The following CAMK1D variants were observed in gnomAD, a reference collection of about 807,000 sequenced individuals.
The protein encoded by CAMK1D is calcium/calmodulin-dependent protein kinase type 1D.
Under a neutral mutation model 47.7 loss-of-function variants are expected in CAMK1D, and 9 were observed. The ratio of observed to expected loss-of-function variants is 0.19; its 90% CI spans 0.11 to 0.33. The LOEUF (loss-of-function observed/expected upper bound fraction) is 0.33, where lower values mean the gene tolerates loss of function less well. CAMK1D is among the 10% of genes least tolerant of loss of function. The pLI is 1.00. For missense variants in CAMK1D, 291 were observed against 488.7 expected (o/e 0.60, Z 3.81); for synonymous variants, 184 against 184.9 (o/e 0.99, Z 0.04).
intron 2 of CAMK1D, among the ~76,000 whole-genome samples, chr10:12,588,965 T>A (rs1230248004): frequency 1.3e-5 from 2 of 151,936 alleles, no homozygotes; most frequent in African/African-American, 4.8e-5. Context: ...TACAGGTGCA[T>A]GTTACATACA....
chr10:12,769,892 CAT>C, intron 5 of CAMK1D, 93 bp downstream of exon 5: 1 of 1,425,002 alleles, frequency 7.0e-7, no homozygotes, highest in Non-Finnish European at 9.7e-7. Flanking sequence ...TTGTGTGAAA[CAT>C]ATGAGCTTGG....
In CAMK1D at chr10:12,651,677, C is replaced by T. The variant is rs538907821; in HGVS notation, c.225-15059C>T. ...TTGGCCTCGCAAAGTACTGGGATTA[C>T]AGGCGTGAGCCATACTGCCTGGACA... On this transcript the variant is annotated intron_variant, in intron 2 of 10. Coordinates refer to ENST00000619168, the MANE Select transcript of CAMK1D (RefSeq NM_153498.4). Among the ~76,000 whole-genome samples the T allele has an allele frequency of 6.8e-4, 103 of 152,246 alleles. 1 individual carries two copies. The highest frequency in any genetic ancestry group is 2.5e-3 in the African/African-American group (102 of 41,556).
intron 1 of CAMK1D, among the ~76,000 whole-genome samples, chr10:12,451,201 C>T (rs965537305): frequency 6.6e-6 from 1 of 152,202 alleles, no homozygotes; most frequent in Non-Finnish European, 1.5e-5. Context: ...TCCTCACTCT[C>T]AACCTCAGAA....
intron 1 of CAMK1D, among the ~76,000 whole-genome samples, chr10:12,521,651 G>T (rs1183567738): frequency 6.6e-6 from 1 of 152,064 alleles, no homozygotes. Context: ...CCAATTTTCT[G>T]TCTGCTTGTT....
In CAMK1D at chr10:12,502,063, C is replaced by T. The variant is rs537892669; in HGVS notation, c.93-51162C>T. On this transcript the variant is annotated intron_variant, in intron 1 of 10. Coordinates refer to ENST00000619168, the MANE Select transcript of CAMK1D (RefSeq NM_153498.4). ...GGCAGCCACCAGGGCAGGCAGCCAC[C>T]AGGGCAGGCACAGGCTCAGGGTCAG... Among the ~76,000 whole-genome samples the T allele has an allele frequency of 6.8e-4, 102 of 151,048 alleles. 2 individuals are homozygous for T. The highest frequency in any genetic ancestry group is 8.6e-4 in the Non-Finnish European group (58 of 67,630).
intron 8 of CAMK1D, among the ~76,000 whole-genome samples, chr10:12,823,190 C>G (rs746309631): frequency 6.6e-6 from 1 of 152,180 alleles, no homozygotes; most frequent in Non-Finnish European, 1.5e-5. Context: ...GTTGCCGTGT[C>G]TGGGCTGTTT....
chr10:12,587,408 G>A (rs1252403238), intron 2 of CAMK1D, among the ~76,000 whole-genome samples: 2 of 152,050 alleles, frequency 1.3e-5, no homozygotes, highest in African/African-American at 4.8e-5. Flanking sequence ...ATTTGTTCTG[G>A]GTTAGGTGAT....
At chr10:12,789,412 C>T (rs1298110300) in intron 5 of CAMK1D, among the ~76,000 whole-genome samples, 3 of 152,182 alleles carry the variant, frequency 2.0e-5, no homozygotes, top group Non-Finnish European at 4.4e-5. Context: ...ATCAGATTGA[C>T]CTGGTTTCAA....
chr10:12,535,081 G>T (rs1835926897), intron 1 of CAMK1D, among the ~76,000 whole-genome samples: 1 of 152,212 alleles, frequency 6.6e-6, no homozygotes, highest in Non-Finnish European at 1.5e-5. Context: ...TAGCTGGAAA[G>T]ATGTTAAGAT....
chr10:12,644,842 A>G (rs981141283), intron 2 of CAMK1D, among the ~76,000 whole-genome samples: 3 of 152,208 alleles, frequency 2.0e-5, no homozygotes, highest in Non-Finnish European at 4.4e-5. Flanking sequence ...CTATAAAGCT[A>G]TGTTAAAAGG....
intron 2 of CAMK1D, among the ~76,000 whole-genome samples, chr10:12,624,935 C>T (rs1226086923): frequency 6.6e-6 from 1 of 152,074 alleles, no homozygotes; most frequent in Non-Finnish European, 1.5e-5. Context: ...TCTTCTCATA[C>T]CTATGCCCCA....
chr10:12,809,172 T>A (rs1458862671), intron 6 of CAMK1D, among the ~76,000 whole-genome samples: 3 of 152,142 alleles, frequency 2.0e-5, no homozygotes, highest in Non-Finnish European at 2.9e-5. Context: ...CTGATAATAG[T>A]CATCCTAACG....
Position 12,828,816 on chromosome 10 carries a change from G to T in CAMK1D, c.1087G>T (p.Val363Phe), listed in dbSNP as rs777921875. 6.2e-7 allele frequency: 1 copy of T among 1,613,892 alleles called. No homozygotes were observed. Among genetic ancestry groups the T allele is most frequent in the East Asian group, 2.2e-5 (1 of 44,870 alleles). ...LCSFISSSSGVSGVGAERRPR... is the reference protein window; with the variant it reads ...LCSFISSSSGFSGVGAERRPR... ...TAGTTTCATTTCTTCTTCGTCGGGG[G>T]TCTCAGGAGTTGGAGCCGAGCGGAG... Residue 363 changes from valine to phenylalanine, a missense_variant, in exon 11 of 11, where the codon GTC (valine) becomes TTC (phenylalanine). Around this residue, in one of 2 missense-constraint regions of CAMK1D, gnomAD observed 72 missense variants for 64.4 expected, o/e 1.12. Coordinates refer to ENST00000619168, the MANE Select transcript of CAMK1D (RefSeq NM_153498.4).
intron 2 of CAMK1D, among the ~76,000 whole-genome samples, chr10:12,663,014 T>C (rs2132541661): frequency 6.6e-6 from 1 of 152,338 alleles, no homozygotes; most frequent in East Asian, 1.9e-4. Flanking sequence ...CAGGCTGGAG[T>C]GCAATGGCAC....
chr10:12,543,905 A>C (rs1039479929), intron 1 of CAMK1D, among the ~76,000 whole-genome samples: 2 of 152,224 alleles, frequency 1.3e-5, no homozygotes, highest in Non-Finnish European at 2.9e-5. Context: ...AAAGCAAAGC[A>C]AAACAGCTTT....
intron 1 of CAMK1D, among the ~76,000 whole-genome samples, chr10:12,388,263 G>C (rs1288355096): frequency 1.3e-5 from 2 of 152,154 alleles, no homozygotes; most frequent in African/African-American, 2.4e-5. Flanking sequence ...CTGACCTCAG[G>C]TGATCCGCTG....
In CAMK1D at chr10:12,364,963, C is replaced by CT. The variant is rs112350234; in HGVS notation, c.92+15066dup. On this transcript the variant is annotated intron_variant, in intron 1 of 10. Coordinates refer to ENST00000619168, the MANE Select transcript of CAMK1D (RefSeq NM_153498.4). Reference sequence around the variant, plus strand: ...AATCTTGGTTTTATCCTCTCTGATTCTTTTTTTTTTTTTGAGGTGGAGTCT... The same window carrying CT: ...AATCTTGGTTTTATCCTCTCTGATTCTTTTTTTTTTTTTTGAGGTGGAGTCT... Among the ~76,000 whole-genome samples, 1,079 of 144,306 alleles carry CT rather than the reference C, an allele frequency of 7.5e-3. 3 individuals carry two copies. Among genetic ancestry groups the CT allele is most frequent in the African/African-American group, 0.012 (470 of 39,688 alleles). The allele number at this position is 144,306 out of a possible 152,430, so 94.7% of individuals were successfully genotyped here.
At chr10:12,606,031 A>G (rs1005948097) in intron 2 of CAMK1D, among the ~76,000 whole-genome samples, 1 of 152,240 alleles carries the variant, frequency 6.6e-6, no homozygotes, top group African/African-American at 2.4e-5. Flanking sequence ...TCTAGGGCAC[A>G]TCGTCAGATC....
At chr10:12,359,579 T>G (rs538818704) in intron 1 of CAMK1D, among the ~76,000 whole-genome samples, 6 of 151,942 alleles carry the variant, frequency 3.9e-5, no homozygotes, top group African/African-American at 1.2e-4. Flanking sequence ...TTTAAAAAAA[T>G]CTGTCCCTCT....
Sources: gnomAD v4.1 joint callset for allele counts (sites outside exome capture counted in the v4.1 genomes callset) on GRCh38, gnomAD v4.1.1 for gene constraint, gnomAD v4.1.1 regional missense constraint, MANE v1.5 for transcripts, NCBI Gene and HGNC (gene_info 2026-07-23, HGNC 2026-07-21) for gene names.